Variants in DIAPH3 observed in about 807,000 individuals in gnomAD.
The protein encoded by DIAPH3 is protein diaphanous homolog 3.
DIAPH3 carries 117 observed loss-of-function variants against 144.3 expected under a neutral mutation model. The observed-to-expected ratio is 0.81, with a 90% CI of 0.70 to 0.95. DIAPH3 has a LOEUF of 0.95. Ranked by LOEUF, DIAPH3 falls within the 40% of genes least tolerant of loss-of-function variation. DIAPH3 has a pLI of 0.00. For missense variants in DIAPH3, 1,421 were observed against 1,412.7 expected (o/e 1.01, Z -0.09); for synonymous variants, 519 against 488.9 (o/e 1.06, Z -0.81).
At chr13:60,083,669 G>A (rs1485784719) in intron 4 of DIAPH3, among the ~76,000 whole-genome samples, 2 of 152,082 alleles carry the variant, frequency 1.3e-5, no homozygotes, top group Non-Finnish European at 2.9e-5. Flanking sequence ...TAGTGCATTT[G>A]TGGCCCCCAT....
At chr13:59,917,231 G>A (rs772898361) in intron 18 of DIAPH3, among the ~76,000 whole-genome samples, 1 of 152,092 alleles carries the variant, frequency 6.6e-6, no homozygotes, top group Non-Finnish European at 1.5e-5. Flanking sequence ...TCCACAGTAG[G>A]TTGAATCTAA....
intron 17 of DIAPH3, among the ~76,000 whole-genome samples, chr13:59,948,195 C>A (rs1566558274): frequency 6.6e-6 from 1 of 152,114 alleles, no homozygotes. Context: ...ATTCCAAAGC[C>A]GATGCTTTTC....
At position 59,861,514 on chromosome 13, in the gene DIAPH3, TC is replaced by T. The variant is rs1419395276; in HGVS notation, c.2629del (p.Asp877IlefsTer11). ...GAAATGAAGTAGCGTTGTTTTCTGA[TC>T]TGCTGATTTTGTGTCCTTTAGCTAA... Reference protein sequence around the residue: ...LCKLKDTKSADQKTTLLHFLV... With the variant: ...LCKLKDTKSAXQKTTLLHFLV... On this transcript the variant is annotated frameshift_variant, in exon 22 of 28. Transcript: ENST00000400324. LOFTEE classifies it high-confidence loss of function. 5 of 1,613,626 alleles carry T rather than the reference TC, an allele frequency of 3.1e-6. No individual in the cohort carries two copies. The highest frequency in any genetic ancestry group is 4.2e-6 in the Non-Finnish European group (5 of 1,179,858).
intron 4 of DIAPH3, 147 bp downstream of exon 4, chr13:60,093,481 G>A: frequency 1.7e-6 from 1 of 604,198 alleles, no homozygotes; most frequent in East Asian, 2.9e-5. Context: ...TTAAACAAAT[G>A]TATAATATAC....
At chr13:60,147,034 T>C (rs1257137403) in intron 1 of DIAPH3, among the ~76,000 whole-genome samples, 3 of 152,210 alleles carry the variant, frequency 2.0e-5, no homozygotes. Context: ...CAGAATAAAA[T>C]GTCCATGTTA....
At chr13:59,894,881 T>C (rs1459116683) in intron 20 of DIAPH3, among the ~76,000 whole-genome samples, 1 of 151,806 alleles carries the variant, frequency 6.6e-6, no homozygotes, top group African/African-American at 2.4e-5. Flanking sequence ...AAAGGAAACA[T>C]TGATAAAATA....
intron 24 of DIAPH3, among the ~76,000 whole-genome samples, chr13:59,817,663 T>C (rs1158887858): frequency 1.3e-5 from 2 of 151,934 alleles, no homozygotes; most frequent in East Asian, 1.9e-4. Flanking sequence ...TTTGTTTCCA[T>C]CTATTTGTCT....
At chr13:60,034,679 GC>G (rs2055068611) in intron 5 of DIAPH3, 1 of 152,188 alleles carries the variant, frequency 6.6e-6, no homozygotes, top group Non-Finnish European at 1.5e-5. Context: ...GTGTACCACA[GC>G]CCAGAATTCC....
intron 3 of DIAPH3, among the ~76,000 whole-genome samples, chr13:60,106,430 TAAATGA>T (rs1218237355): frequency 6.6e-6 from 1 of 152,188 alleles, no homozygotes; most frequent in African/African-American, 2.4e-5. Context: ...CTAATAATTT[TAAATGA>T]AAATATAGGA....
At chr13:59,713,656 A>G (rs2034873540) in intron 27 of DIAPH3, among the ~76,000 whole-genome samples, 1 of 149,798 alleles carries the variant, frequency 6.7e-6, no homozygotes, top group Non-Finnish European at 1.5e-5. Flanking sequence ...ATAGGTAAGA[A>G]GCTTTTTTGA....
chr13:59,858,131 T>C (rs2043359276), intron 22 of DIAPH3, among the ~76,000 whole-genome samples: 1 of 152,156 alleles, frequency 6.6e-6, no homozygotes, highest in Non-Finnish European at 1.5e-5. Context: ...TTTAACATAA[T>C]GGTGGTATTA....
At chr13:59,820,483 CTG>C (rs1460694394) in intron 24 of DIAPH3, among the ~76,000 whole-genome samples, 1 of 151,866 alleles carries the variant, frequency 6.6e-6, no homozygotes, top group East Asian at 1.9e-4. Flanking sequence ...GTTAGCTTTC[CTG>C]TGTTTTCTCC....
chr13:60,154,852 G>A (rs1002587116), intron 1 of DIAPH3, among the ~76,000 whole-genome samples: 8 of 152,128 alleles, frequency 5.3e-5, no homozygotes, highest in Non-Finnish European at 7.4e-5. Context: ...ATATTCTTTA[G>A]CATTCATTTG....
intron 20 of DIAPH3, among the ~76,000 whole-genome samples, chr13:59,896,606 G>T (rs912044519): frequency 1.3e-5 from 2 of 151,736 alleles, no homozygotes; most frequent in Admixed American, 6.6e-5. Context: ...TGGAGGCAGG[G>T]GGGTCGGTCC....
Position 59,797,127 on chromosome 13 carries a change from GA to G in DIAPH3, c.3163+13660del, listed in dbSNP as rs201614589. Among the ~76,000 whole-genome samples the G allele has an allele frequency of 3.3e-5, 5 of 149,366 alleles. No homozygotes were observed. The East Asian group carries it at 5.8e-4, about 17-fold the overall frequency. ...TATAATGTCAATAGTTTTAGTAAAT[GA>G]AAAAAAAACACCCTATGTAAAATGT... On this transcript the variant is annotated intron_variant, in intron 25 of 27. Transcript: ENST00000400324.
intron 25 of DIAPH3, among the ~76,000 whole-genome samples, chr13:59,779,726 G>T (rs1309967158): frequency 6.6e-6 from 1 of 151,952 alleles, no homozygotes; most frequent in Non-Finnish European, 1.5e-5. Flanking sequence ...TGGCCAGGCT[G>T]GTCTCGAACT....
chr13:60,043,626 T>G (rs1167518907), intron 4 of DIAPH3, among the ~76,000 whole-genome samples: 1 of 152,118 alleles, frequency 6.6e-6, no homozygotes, highest in Non-Finnish European at 1.5e-5. Flanking sequence ...ATCACTCCAG[T>G]GTGAAATATG....
At chr13:59,832,991 T>C in intron 24 of DIAPH3, 116 bp downstream of exon 24, 1 of 851,276 alleles carries the variant, frequency 1.2e-6, no homozygotes, top group Non-Finnish European at 1.9e-6. Flanking sequence ...TTTATAGCTT[T>C]CAAAATCAGA....
At chr13:59,810,980 A>G (rs1367862514) in intron 24 of DIAPH3, 57 bp from the exon 25 acceptor site, 3 of 1,478,684 alleles carry the variant, frequency 2.0e-6, no homozygotes, top group East Asian at 4.5e-5. Context: ...CGCAAAATGG[A>G]AAGTTATCTA....
Sources: allele counts gnomAD v4.1 joint callset (sites outside exome capture counted in the v4.1 genomes callset), GRCh38; gene constraint gnomAD v4.1.1; transcripts MANE v1.5; gene names NCBI Gene and HGNC (gene_info 2026-07-23, HGNC 2026-07-21).